Variants in MAPK10 observed in about 807,000 individuals in gnomAD.
The protein encoded by MAPK10 is mitogen-activated protein kinase 10, also known as JNK3 alpha protein kinase.
In MAPK10, 25 loss-of-function variants were observed where a neutral mutation model predicts 59.3. That is an observed-to-expected ratio of 0.42 (90% CI 0.31 to 0.59). MAPK10 has a LOEUF of 0.59. Among genes scored for constraint, MAPK10 ranks in the 20% least tolerant of loss-of-function variants. MAPK10 has a pLI of 0.15. For missense variants in MAPK10, 351 were observed against 568.9 expected, an observed-to-expected ratio of 0.62 and a Z score of 3.90; for synonymous variants, 190 against 200.5, an observed-to-expected ratio of 0.95 and a Z score of 0.44.
chr4:86,380,870 A>AAAC (rs1469455238), intron 1 of MAPK10, among the ~76,000 whole-genome samples: 3 of 151,626 alleles, frequency 2.0e-5, no homozygotes, highest in Admixed American at 6.6e-5. Context: ...AAAAAAAAAA[A>AAAC]AAAAACACTG....
intron 1 of MAPK10, among the ~76,000 whole-genome samples, chr4:86,541,978 C>T (rs1758736602): frequency 6.7e-6 from 1 of 148,736 alleles, no homozygotes; most frequent in East Asian, 1.9e-4. Context: ...CACACACACA[C>T]ACACACACAC....
At chr4:86,535,633 G>A (rs1445651301) in intron 1 of MAPK10, among the ~76,000 whole-genome samples, 1 of 151,748 alleles carries the variant, frequency 6.6e-6, no homozygotes, top group Non-Finnish European at 1.5e-5. Flanking sequence ...ACACTGAAAT[G>A]AGTGTACTTT....
chr4:86,224,163 T>TA (rs1157078436), intron 2 of MAPK10, among the ~76,000 whole-genome samples: 1 of 152,174 alleles, frequency 6.6e-6, no homozygotes, highest in African/African-American at 2.4e-5. Flanking sequence ...TGTTTTCATG[T>TA]AAAAAATATT....
At chr4:86,526,509 T>C (rs1423327451) in intron 1 of MAPK10, among the ~76,000 whole-genome samples, 2 of 152,212 alleles carry the variant, frequency 1.3e-5, no homozygotes, top group Non-Finnish European at 2.9e-5. Flanking sequence ...ATCTTGTTCA[T>C]CCTTTCAAAG....
intron 2 of MAPK10, among the ~76,000 whole-genome samples, chr4:86,236,905 A>T (rs1439956670): frequency 6.6e-6 from 1 of 152,132 alleles, no homozygotes; most frequent in East Asian, 1.9e-4. Context: ...ACATGTGCAG[A>T]ACGTGCAGGT....
intron 2 of MAPK10, among the ~76,000 whole-genome samples, chr4:86,224,335 T>C (rs1221188421): frequency 6.6e-6 from 1 of 152,204 alleles, no homozygotes; most frequent in Admixed American, 6.5e-5. Context: ...ATATGTTATA[T>C]GAACCTATCA....
intron 1 of MAPK10, among the ~76,000 whole-genome samples, chr4:86,528,611 T>C (rs1455011465): frequency 6.6e-6 from 1 of 152,160 alleles, no homozygotes; most frequent in Non-Finnish European, 1.5e-5. Context: ...GGAGTGATCA[T>C]AGCACACTGA....
intron 5 of MAPK10, among the ~76,000 whole-genome samples, chr4:86,104,798 T>C (rs1561748784): frequency 6.6e-6 from 1 of 152,134 alleles, no homozygotes; most frequent in Non-Finnish European, 1.5e-5. Flanking sequence ...ATGTTCTTAT[T>C]TTCCCTTTTC....
At chr4:86,250,712 GA>G (rs2093368323) in intron 2 of MAPK10, among the ~76,000 whole-genome samples, 1 of 152,086 alleles carries the variant, frequency 6.6e-6, no homozygotes, top group Non-Finnish European at 1.5e-5. Flanking sequence ...CATAGTTTCT[GA>G]AAATCTAGTC....
At chr4:86,040,450 A>G (rs1259834742) in intron 11 of MAPK10, among the ~76,000 whole-genome samples, 1 of 152,212 alleles carries the variant, frequency 6.6e-6, no homozygotes, top group East Asian at 1.9e-4. Flanking sequence ...TATGGTCAGA[A>G]GAGAAAAAAT....
intron 1 of MAPK10, among the ~76,000 whole-genome samples, chr4:86,392,075 G>A (rs1465220201): frequency 1.3e-5 from 2 of 152,154 alleles, no homozygotes; most frequent in African/African-American, 4.8e-5. Flanking sequence ...TGGATCGGGT[G>A]TTATCATGCT....
At chr4:86,395,200 AG>A (rs1742756376) in intron 1 of MAPK10, among the ~76,000 whole-genome samples, 2 of 152,232 alleles carry the variant, frequency 1.3e-5, no homozygotes, top group Admixed American at 1.3e-4. Context: ...ATACCAAAAA[AG>A]AAGGTATCAT....
chr4:86,037,582 T>C (rs1239632415), intron 11 of MAPK10, among the ~76,000 whole-genome samples: 1 of 152,102 alleles, frequency 6.6e-6, no homozygotes, highest in African/African-American at 2.4e-5. Flanking sequence ...ATATAAGTAA[T>C]ATTCATTGAG....
At chr4:86,531,120 C>T (rs1402600499) in intron 1 of MAPK10, among the ~76,000 whole-genome samples, 1 of 152,194 alleles carries the variant, frequency 6.6e-6, no homozygotes, top group African/African-American at 2.4e-5. Flanking sequence ...TCAACATGAC[C>T]AGACCATTTA....
At chr4:86,269,391 T>C (rs2094357678) in intron 2 of MAPK10, among the ~76,000 whole-genome samples, 1 of 152,146 alleles carries the variant, frequency 6.6e-6, no homozygotes, top group African/African-American at 2.4e-5. Context: ...TTAATTCAAA[T>C]TGCATCTTCT....
At chr4:86,291,113 C>T (rs557800072) in intron 2 of MAPK10, among the ~76,000 whole-genome samples, 3 of 152,180 alleles carry the variant, frequency 2.0e-5, no homozygotes, top group Admixed American at 6.5e-5. Context: ...AACCAGACAG[C>T]GGGAGAACTG....
intron 1 of MAPK10, among the ~76,000 whole-genome samples, chr4:86,445,675 T>C (rs1030255249): frequency 2.6e-5 from 4 of 152,106 alleles, no homozygotes; most frequent in Non-Finnish European, 4.4e-5. Context: ...AAATAAGAAT[T>C]ACATCTGACT....
chr4:86,153,448 C>T (rs1409489845), intron 4 of MAPK10, among the ~76,000 whole-genome samples: 6 of 152,084 alleles, frequency 3.9e-5, no homozygotes, highest in Admixed American at 3.9e-4. Flanking sequence ...GAATAAATGT[C>T]CACAAAACAT....
intron 1 of MAPK10, among the ~76,000 whole-genome samples, chr4:86,387,272 C>T (rs1403132438): frequency 6.6e-6 from 1 of 152,072 alleles, no homozygotes; most frequent in Non-Finnish European, 1.5e-5. Flanking sequence ...AAGAGCACAA[C>T]GGAAGCACAT....
Sources: allele counts gnomAD v4.1 joint callset (sites outside exome capture counted in the v4.1 genomes callset), GRCh38; gene constraint gnomAD v4.1.1; transcripts MANE v1.5; gene names NCBI Gene and HGNC (gene_info 2026-07-23, HGNC 2026-07-21).